Variants in FRMD6 observed in about 807,000 individuals in gnomAD.
The protein encoded by FRMD6 is FERM domain containing 6, also known as FERM domain-containing protein 6.
A neutral mutation model predicts 73.2 loss-of-function variants in FRMD6; 37 were observed. The ratio of observed to expected loss-of-function variants is 0.51; its 90% CI spans 0.39 to 0.66. FRMD6 has a LOEUF of 0.66. Ranked by LOEUF, FRMD6 falls within the 30% of genes least tolerant of loss-of-function variation. FRMD6 has a pLI of 0.00. For synonymous variants in FRMD6, 273 were observed against 282.2 expected, an observed-to-expected ratio of 0.97 and a Z score of 0.33; for missense variants, 714 against 780.5, an observed-to-expected ratio of 0.91 and a Z score of 1.02.
At position 51,702,835 on chromosome 14, in the gene FRMD6, T is replaced by TGTTA. The variant is rs576059807; in HGVS notation, c.371+247_371+248insGTTA. On this transcript the variant is annotated intron_variant, in intron 5 of 13. Transcript: ENST00000344768. ...GAATGTTAGACTGTTGATAAAAATA[T>TGTTA]TAACAGTATCTATTGGCCCACATTT... Among the ~76,000 whole-genome samples, 325 of 152,160 alleles carry TGTTA rather than the reference T, an allele frequency of 2.1e-3. 6 individuals are homozygous for TGTTA. Among genetic ancestry groups the TGTTA allele is most frequent in the Admixed American group, 0.012 (184 of 15,248 alleles).
In FRMD6 at chr14:51,708,101, C is replaced by T; in HGVS notation, c.582C>T (p.Asp194=). The part of the protein sequence containing the change: ...PSWVVSKRGK[D]YILKHIPNMH... The stretch of plus-strand genomic sequence containing the variant: ...AGGTTGTTTCCAAGAGGGGGAAGGA[C>T]TACATCCTGAAGCACATTCCAAACA... Residue 194 remains aspartate (D), a synonymous_variant, in exon 7 of 14, where the codon GAC becomes GAT. Transcript: ENST00000344768. 1 of 1,613,204 alleles carries T rather than the reference C, an allele frequency of 6.2e-7. No individual in the cohort carries two copies. Among genetic ancestry groups the T allele is most frequent in the East Asian group, 2.2e-5 (1 of 44,850 alleles).
At chr14:51,418,113 G>A in the FRMD6 span, among the ~76,000 whole-genome samples, 13 of 152,174 alleles carry the variant, frequency 8.5e-5, no homozygotes, top group African/African-American at 2.4e-4. Flanking sequence ...CCTTTAGCTC[G>A]GAGAAGTTTG....
Position 51,664,236 on chromosome 14 carries a change from A to G in FRMD6, c.-147+12240A>G, listed in dbSNP as rs570960068. Among the ~76,000 whole-genome samples the G allele has an allele frequency of 2.0e-5, 3 of 152,358 alleles. No homozygotes were observed. The South Asian group carries it at 6.2e-4, about 32-fold the overall frequency. On this transcript the variant is annotated intron_variant, in intron 1 of 13. Coordinates refer to ENST00000344768, the MANE Select transcript of FRMD6 (RefSeq NM_001267046.2). ...CCCAAGAGCCAGAGCAAATTGAGTA[A>G]TAGAAAAATTGCCTCGTTAAAATTT...
chr14:51,497,399 A>T (rs1221412083), intron 1 of FRMD6, among the ~76,000 whole-genome samples: 2 of 152,144 alleles, frequency 1.3e-5, no homozygotes, highest in East Asian at 3.9e-4. Context: ...TAAAAACTTT[A>T]TCGGTTTTCC....
intron 1 of FRMD6, among the ~76,000 whole-genome samples, chr14:51,520,664 G>A (rs1466135257): frequency 6.6e-6 from 1 of 152,196 alleles, no homozygotes; most frequent in Non-Finnish European, 1.5e-5. Flanking sequence ...GTAGAAGGCT[G>A]AGGCAGGTGG....
At chr14:51,475,269 T>G in the FRMD6 span, among the ~76,000 whole-genome samples, 2 of 152,226 alleles carry the variant, frequency 1.3e-5, no homozygotes, top group Non-Finnish European at 2.9e-5. Flanking sequence ...CATTGGAACC[T>G]GAGGATATAT....
chr14:51,685,482 T>G (rs1895088097), intron 1 of FRMD6, among the ~76,000 whole-genome samples: 1 of 152,198 alleles, frequency 6.6e-6, no homozygotes, highest in East Asian at 1.9e-4. Context: ...ACTCAGCACA[T>G]ACAGCAACAT....
chr14:51,623,508 A>G (rs1296410375), intron 2 of FRMD6, among the ~76,000 whole-genome samples: 1 of 152,208 alleles, frequency 6.6e-6, no homozygotes, highest in African/African-American at 2.4e-5. Context: ...ATATTTTTGA[A>G]AGGACACACA....
chr14:51,471,351 A>T, the FRMD6 span, among the ~76,000 whole-genome samples: 1 of 152,046 alleles, frequency 6.6e-6, no homozygotes, highest in Non-Finnish European at 1.5e-5. Flanking sequence ...ACAACAAAAA[A>T]TTAGCCGGGC....
chr14:51,660,188 G>C (rs1205342668), intron 1 of FRMD6, among the ~76,000 whole-genome samples: 1 of 152,200 alleles, frequency 6.6e-6, no homozygotes, highest in Non-Finnish European at 1.5e-5. Flanking sequence ...TCTTTATGAA[G>C]TATTCAGGAC....
At chr14:51,606,925 C>A (rs986445221) in intron 2 of FRMD6, among the ~76,000 whole-genome samples, 1 of 152,128 alleles carries the variant, frequency 6.6e-6, no homozygotes, top group Non-Finnish European at 1.5e-5. Flanking sequence ...AGACCAAAGG[C>A]TGGCGAGCCT....
chr14:51,555,331 TTGTC>T (rs973467907), intron 1 of FRMD6, among the ~76,000 whole-genome samples: 4 of 152,206 alleles, frequency 2.6e-5, no homozygotes, highest in African/African-American at 9.6e-5. Flanking sequence ...ACAACTCAGT[TTGTC>T]TGTACCAAAT....
intron 13 of FRMD6, among the ~76,000 whole-genome samples, chr14:51,727,526 C>T (rs1410923611): frequency 6.6e-6 from 1 of 152,140 alleles, no homozygotes; most frequent in Admixed American, 6.5e-5. Flanking sequence ...CAGGGCCTGG[C>T]ACATAGTAAT....
intron 1 of FRMD6, among the ~76,000 whole-genome samples, chr14:51,680,558 A>G (rs1291193567): frequency 6.6e-6 from 1 of 152,180 alleles, no homozygotes; most frequent in African/African-American, 2.4e-5. Flanking sequence ...GAGTTCTCAA[A>G]TACCAGTTGG....
At chr14:51,457,151 G>T in the FRMD6 span, among the ~76,000 whole-genome samples, 1 of 152,090 alleles carries the variant, frequency 6.6e-6, no homozygotes. Flanking sequence ...TCACCACAAA[G>T]AAATAATAAA....
chr14:51,606,414 C>T (rs556937065), intron 2 of FRMD6, among the ~76,000 whole-genome samples: 1 of 152,176 alleles, frequency 6.6e-6, no homozygotes, highest in African/African-American at 2.4e-5. Context: ...TACACATGCA[C>T]ATATGTACAC....
chr14:51,480,531 A>G, the FRMD6 span, among the ~76,000 whole-genome samples: 3 of 152,174 alleles, frequency 2.0e-5, no homozygotes, highest in Non-Finnish European at 4.4e-5. Flanking sequence ...CAGGACTGGA[A>G]TCATCTATTT....
chr14:51,726,481 T>C (rs1215164156), intron 13 of FRMD6, among the ~76,000 whole-genome samples: 2 of 152,194 alleles, frequency 1.3e-5, no homozygotes, highest in East Asian at 3.8e-4. Flanking sequence ...TCTGTGTGTG[T>C]TTCTCTTTTT....
At chr14:51,605,139 C>CTTTTT (rs11389733) in intron 2 of FRMD6, among the ~76,000 whole-genome samples, 646 of 118,902 alleles carry the variant, frequency 5.4e-3, no homozygotes, top group Non-Finnish European at 6.4e-3. Context: ...CTGCAGGTTT[C>CTTTTT]TTTTTTTTTT....
Sources: gnomAD v4.1 joint callset for allele counts (sites outside exome capture counted in the v4.1 genomes callset) on GRCh38, gnomAD v4.1.1 for gene constraint, MANE v1.5 for transcripts, NCBI Gene and HGNC (gene_info 2026-07-23, HGNC 2026-07-21) for gene names.